SI: variants seen among roughly 807,000 people sequenced by gnomAD.
SI encodes the protein sucrase-isomaltase.
In SI, 235 loss-of-function variants were observed where a neutral mutation model predicts 253.3. The ratio of observed to expected loss-of-function variants is 0.93; its 90% CI spans 0.83 to 1.03. The LOEUF (loss-of-function observed/expected upper bound fraction) is 1.03. Ranked by LOEUF, SI falls within the 50% of genes least tolerant of loss-of-function variation. SI has a pLI of 0.00. For synonymous variants in SI, 819 were observed against 712.0 expected, an observed-to-expected ratio of 1.15 and a Z score of -2.39; for missense variants, 2,442 against 2,211.1, an observed-to-expected ratio of 1.10 and a Z score of -2.09.
rs1307836828 is a variant in SI, at chr3:165,021,247, C to A, written c.3236G>T (p.Arg1079Ile). The change falls in exon 27 of 48, where the codon AGA becomes ATA. Residue 1079 changes from arginine (R) to isoleucine (I), a missense_variant. Physicochemically the swap from Arg to Ile is moderately conservative, Grantham distance 97. Coordinates refer to ENST00000264382, the MANE Select transcript of SI (RefSeq NM_001041.4). ...ENPFGIQIRR[R>I]SSGRVIWDSW... ...TACTTACATGACTCTTCCACTGCTT[C>A]TCCGTCGAATCTGGATGCCAAAAGG... The A allele has an allele frequency of 2.5e-6, 4 of 1,610,958 alleles. No homozygotes were observed. In the Admixed American group the frequency reaches 6.7e-5, roughly 27 times the overall value.
At chr3:165,058,882 A>ACACACACG in intron 12 of SI, 81 bp downstream of exon 12, 1 of 1,152,972 alleles carries the variant, frequency 8.7e-7, no homozygotes, top group Non-Finnish European at 1.3e-6. Flanking sequence ...ACACACACAC[A>ACACACACG]CACACGCACA....
chr3:165,079,389 A>T (rs959449511), upstream of SI, among the ~76,000 whole-genome samples: 2 of 151,716 alleles, frequency 1.3e-5, no homozygotes, highest in African/African-American at 2.4e-5. Context: ...AACAAAATAT[A>T]TATTAAAATA....
At chr3:165,015,031 C>T in intron 33 of SI, 92 bp downstream of exon 33, 1 of 898,232 alleles carries the variant, frequency 1.1e-6, no homozygotes, top group South Asian at 1.4e-5. Context: ...GTATAGCTCT[C>T]CTGAACGGTT....
At chr3:165,021,566 T>C (rs938793336) in intron 26 of SI, among the ~76,000 whole-genome samples, 183 bp from the exon 27 acceptor site, 4 of 151,614 alleles carry the variant, frequency 2.6e-5, no homozygotes, top group African/African-American at 9.7e-5. Context: ...ACATTTATAA[T>C]GGGTCCTAAC....
chr3:165,068,113 A>G (rs1277801869), intron 5 of SI, among the ~76,000 whole-genome samples: 1 of 152,120 alleles, frequency 6.6e-6, no homozygotes, highest in Non-Finnish European at 1.5e-5. Context: ...ATAATCAGTG[A>G]AAGTATTATG....
At position 165,018,085 on chromosome 3, in the gene SI, G is replaced by A. The variant is rs1409056582; in HGVS notation, c.3424-19C>T. 2 of 1,354,236 alleles carry A rather than the reference G, an allele frequency of 1.5e-6. No homozygotes were observed. Among genetic ancestry groups the A allele is most frequent in the Admixed American group, 1.7e-5 (1 of 59,456 alleles). The allele number at this position is 1,354,236 out of a possible 1,614,324, so 83.9% of individuals were successfully genotyped here. On this transcript the variant is annotated intron_variant, in intron 28 of 47. Transcript: ENST00000264382. ...GTTTGTACTGAAATACGAAAAATAA[G>A]CACAATATATTTTAAGTAACAATAG...
At chr3:164,991,891 T>A (rs1333500915) in intron 43 of SI, among the ~76,000 whole-genome samples, 1 of 152,090 alleles carries the variant, frequency 6.6e-6, no homozygotes, top group African/African-American at 2.4e-5. Context: ...CCTTTAATGA[T>A]CATTTTATAT....
At chr3:165,070,289 A>G (rs1714485070) in intron 3 of SI, among the ~76,000 whole-genome samples, 1 of 91,880 alleles carries the variant, frequency 1.1e-5, no homozygotes. Context: ...TTATATACAT[A>G]TATAATTATA....
At chr3:165,015,912 GA>G (rs1719002179) in intron 32 of SI, 39 bp downstream of exon 32, 2 of 1,568,106 alleles carry the variant, frequency 1.3e-6, no homozygotes, top group Non-Finnish European at 1.8e-6. Flanking sequence ...TGAATTAATG[GA>G]AACAAGAAAT....
chr3:164,983,741 T>C (rs1018942664), intron 45 of SI, among the ~76,000 whole-genome samples: 3 of 151,960 alleles, frequency 2.0e-5, no homozygotes, highest in South Asian at 2.1e-4. Context: ...AGGCATGCAC[T>C]ACCATGCCTG....
intron 4 of SI, 42 bp downstream of exon 4, chr3:165,069,036 A>G (rs1714405189): frequency 7.4e-7 from 1 of 1,353,628 alleles, no homozygotes; most frequent in African/African-American, 1.4e-5. Flanking sequence ...CGCTCCAGTT[A>G]GAATATATCA....
At chr3:164,992,898 G>A (rs960984247) in intron 41 of SI, among the ~76,000 whole-genome samples, 62 of 151,622 alleles carry the variant, frequency 4.1e-4, no homozygotes, top group African/African-American at 1.5e-3. Flanking sequence ...CTGAATTTGA[G>A]ATGCAAATGG....
chr3:164,988,937 A>G (rs977964049), intron 44 of SI, among the ~76,000 whole-genome samples: 2 of 152,210 alleles, frequency 1.3e-5, no homozygotes, highest in East Asian at 3.9e-4. Flanking sequence ...AAATGGTGAT[A>G]GACAGAAATC....
intron 45 of SI, among the ~76,000 whole-genome samples, chr3:164,983,292 G>A (rs996039574): frequency 6.6e-6 from 1 of 152,092 alleles, no homozygotes; most frequent in African/African-American, 2.4e-5. Flanking sequence ...GTGTGTGTAG[G>A]GGTAATGATA....
chr3:165,046,133 T>G (rs909160917), intron 16 of SI, among the ~76,000 whole-genome samples: 6 of 152,060 alleles, frequency 3.9e-5, no homozygotes, highest in Admixed American at 3.3e-4. Context: ...GTCCAGCCTA[T>G]TTTTCAATTT....
chr3:165,041,227 T>C lies in SI; in HGVS notation c.2005-133A>G, dbSNP rs1349491015. The C allele has an allele frequency of 4.1e-6, 3 of 727,952 alleles. No homozygotes were observed. The Admixed American group carries it at 7.3e-5, about 18-fold the overall frequency. The allele number at this position is 727,952 out of a possible 1,614,324, so 45.1% of individuals were successfully genotyped here. ...GTTTATGAGAAATTAAAATTATTCC[T>C]ATTTCATCATCAAAGTGTCTGAATG... On this transcript the variant is annotated intron_variant, in intron 17 of 47. Transcript: ENST00000264382.
intron 37 of SI, among the ~76,000 whole-genome samples, chr3:165,004,522 C>A (rs1261234724): frequency 6.6e-6 from 1 of 152,022 alleles, no homozygotes; most frequent in Non-Finnish European, 1.5e-5. Flanking sequence ...TTCACAATAG[C>A]CAAGTTTGGA....
intron 37 of SI, among the ~76,000 whole-genome samples, chr3:165,003,904 A>T (rs1446016802): frequency 6.6e-6 from 1 of 152,132 alleles, no homozygotes; most frequent in African/African-American, 2.4e-5. Flanking sequence ...ACCATTAAAC[A>T]ACTAGAAAAC....
Position 165,069,162 on chromosome 3 carries a change from G to T in SI, c.289C>A (p.Pro97Thr), listed in dbSNP as rs747088094. 1 of 1,613,118 alleles carries T rather than the reference G, an allele frequency of 6.2e-7. No individual in the cohort carries two copies. The highest frequency in any genetic ancestry group is 8.5e-7 in the Non-Finnish European group (1 of 1,179,384). ...ICAQRGCCWR[P>T]WNDSLIPWCF... is the part of the protein sequence containing the mutation. ...CAAGGAATAAGAGAGTCATTCCACG[G>T]CCTCCAGCAGCAGCCTCTCTGTGCA... The change falls in exon 4 of 48, where the codon CCG becomes ACG. Residue 97 changes from proline (P) to threonine (T), a missense_variant. Coordinates refer to ENST00000264382, the MANE Select transcript of SI (RefSeq NM_001041.4).
Sources: allele counts gnomAD v4.1 joint callset (sites outside exome capture counted in the v4.1 genomes callset), GRCh38; gene constraint gnomAD v4.1.1; transcripts MANE v1.5; gene names NCBI Gene and HGNC (gene_info 2026-07-23, HGNC 2026-07-21).